ATIC: variants seen among roughly 807,000 people sequenced by gnomAD.
ATIC encodes bifunctional purine biosynthesis protein ATIC.
A neutral mutation model predicts 72.5 loss-of-function variants in ATIC; 64 were observed. The ratio of observed to expected loss-of-function variants is 0.88; its 90% CI spans 0.72 to 1.09. ATIC has a LOEUF of 1.09. Ranked by LOEUF, ATIC falls within the 50% of genes least tolerant of loss-of-function variation. The pLI, the probability that ATIC is intolerant of heterozygous loss-of-function variation, is 0.00. For synonymous variants in ATIC, 281 were observed against 267.1 expected (o/e 1.05, Z -0.51); for missense variants, 787 against 732.4 (o/e 1.07, Z -0.86).
At chr2:215,329,867 A>G (rs2052870922) in intron 7 of ATIC, among the ~76,000 whole-genome samples, 1 of 151,868 alleles carries the variant, frequency 6.6e-6, no homozygotes, top group African/African-American at 2.4e-5. Flanking sequence ...GGTTCAAGTG[A>G]TCTCCTGCCT....
chr2:215,349,361 T>C (rs766542566), intron 15 of ATIC, 112 bp downstream of exon 15: 3 of 1,577,722 alleles, frequency 1.9e-6, no homozygotes, highest in Non-Finnish European at 2.6e-6. Flanking sequence ...AGATCAGTAA[T>C]ATTCAGAGAA....
At chr2:215,363,385 A>C in the ATIC span, 1 of 151,978 alleles carries the variant, frequency 6.6e-6, no homozygotes, top group Admixed American at 6.5e-5. Flanking sequence ...TGGGAGAGAG[A>C]GAGAGAGAGA....
chr2:215,349,929 A>G (rs748518304), downstream of ATIC, among the ~76,000 whole-genome samples: 3 of 152,108 alleles, frequency 2.0e-5, no homozygotes, highest in Non-Finnish European at 4.4e-5. Context: ...GCAGGAACCA[A>G]ACGAGCTGAG....
At chr2:215,348,712 C>T (rs1575127177) in intron 14 of ATIC, 1 of 402,242 alleles carries the variant, frequency 2.5e-6, no homozygotes, top group African/African-American at 2.2e-5. Flanking sequence ...CCTATAATCC[C>T]AGCACTTTGG....
At chr2:215,325,518 G>T (rs1303052033) in intron 5 of ATIC, among the ~76,000 whole-genome samples, 189 bp downstream of exon 5, 1 of 151,062 alleles carries the variant, frequency 6.6e-6, no homozygotes, top group African/African-American at 2.4e-5. Context: ...TTTTTTGTAT[G>T]CAGAGATGCA....
intron 14 of ATIC, chr2:215,347,674 A>G (rs1171951812): frequency 2.1e-6 from 1 of 486,006 alleles, no homozygotes; most frequent in Non-Finnish European, 4.1e-6. Context: ...AATGTAACTG[A>G]AGTCCTTAAG....
intron 7 of ATIC, 62 bp from the exon 8 acceptor site, chr2:215,332,320 T>C (rs2052904188): frequency 2.5e-6 from 4 of 1,604,266 alleles, no homozygotes; most frequent in African/African-American, 1.3e-5. Flanking sequence ...TTTTGAGAAG[T>C]GTGCATACAT....
chr2:215,342,637 A>G (rs2053031337), intron 12 of ATIC, among the ~76,000 whole-genome samples: 1 of 152,160 alleles, frequency 6.6e-6, no homozygotes, highest in East Asian at 1.9e-4. Context: ...ATTTTCATTC[A>G]TCGTGCATTC....
At chr2:215,361,787 G>T in the ATIC span, 1 of 471,450 alleles carries the variant, frequency 2.1e-6, no homozygotes, top group Non-Finnish European at 2.8e-6. Flanking sequence ...AATAGGAGAT[G>T]TTCAAGAGTT....
chr2:215,333,709 C>G (rs554117502), intron 9 of ATIC, among the ~76,000 whole-genome samples: 1 of 152,154 alleles, frequency 6.6e-6, no homozygotes, highest in East Asian at 1.9e-4. Context: ...GAGATTGATT[C>G]TGTGAGTACC....
Position 215,346,859 on chromosome 2 carries a change from T to C in ATIC, c.1421T>C (p.Leu474Pro), listed in dbSNP as rs2053076289. Reference protein sequence around the residue: ...YWWLRHHPQVLSMKFKTGVKR... With the variant: ...YWWLRHHPQVPSMKFKTGVKR... ...TGGCTTAGACACCATCCACAAGTGC[T>C]TTCGATGAAGTTTAAAACAGGAGTG... The change falls in exon 14 of 16, where the codon CTT becomes CCT. Residue 474 changes from leucine to proline, a missense_variant. Coordinates refer to ENST00000236959, the MANE Select transcript of ATIC (RefSeq NM_004044.7). 1 of 1,614,212 alleles carries C rather than the reference T, an allele frequency of 6.2e-7. No individual in the cohort carries two copies.
intron 10 of ATIC, among the ~76,000 whole-genome samples, 181 bp downstream of exon 10, chr2:215,335,185 T>C (rs1220097923): frequency 6.6e-6 from 1 of 152,198 alleles, no homozygotes. Flanking sequence ...TTTTGAAATG[T>C]AGTGAATTAT....
rs759807444 is a variant in ATIC, at chr2:215,326,814, T to C, written c.532-8T>C. On this transcript the variant is annotated splice_region_variant and splice_polypyrimidine_tract_variant and intron_variant, in intron 6 of 15. Transcript: ENST00000236959. ...GCTCGTGTCTCACAAAACTTACGCT[T>C]TTTGTAGGCATTCACTCATACGGCA... 6.2e-7 allele frequency: 1 copy of C among 1,613,922 alleles called. No homozygotes were observed. The highest frequency in any genetic ancestry group is 1.7e-5 in the Admixed American group (1 of 59,978).
chr2:215,363,388 G>C, the ATIC span: 6 of 152,054 alleles, frequency 3.9e-5, no homozygotes, highest in Admixed American at 2.6e-4. Flanking sequence ...GAGAGAGAGA[G>C]AGAGAGAGAC....
intron 14 of ATIC, 171 bp from the exon 15 acceptor site, chr2:215,348,923 A>C: frequency 2.2e-6 from 1 of 451,720 alleles, no homozygotes; most frequent in Non-Finnish European, 3.6e-6. Flanking sequence ...GCACCACTGC[A>C]CTCCAGCCTG....
At chr2:215,344,951 T>C in intron 13 of ATIC, 80 bp downstream of exon 13, 10 of 1,409,740 alleles carry the variant, frequency 7.1e-6, no homozygotes, top group Non-Finnish European at 9.9e-6. Context: ...CCTTAGATAT[T>C]GGACAGCTTG....
At chr2:215,339,586 C>T (rs556392413) in intron 12 of ATIC, among the ~76,000 whole-genome samples, 94 of 151,960 alleles carry the variant, frequency 6.2e-4, no homozygotes, top group African/African-American at 2.1e-3. Flanking sequence ...AGATGTACTA[C>T]GATGGATATT....
At chr2:215,331,511 T>TA (rs1349909189) in intron 7 of ATIC, among the ~76,000 whole-genome samples, 1 of 151,762 alleles carries the variant, frequency 6.6e-6, no homozygotes. Context: ...GCCTCCCTAG[T>TA]AGCTGGGATT....
the ATIC span, among the ~76,000 whole-genome samples, chr2:215,358,817 AAAAGT>A: frequency 6.6e-6 from 1 of 152,242 alleles, no homozygotes; most frequent in African/African-American, 2.4e-5. Flanking sequence ...ATTTCAACAT[AAAAGT>A]AAAGGGGCTT....
Sources: gnomAD v4.1 joint callset for allele counts (sites outside exome capture counted in the v4.1 genomes callset) on GRCh38, gnomAD v4.1.1 for gene constraint, MANE v1.5 for transcripts, NCBI Gene and HGNC (gene_info 2026-07-23, HGNC 2026-07-21) for gene names.